The following MLLT10 variants were observed in gnomAD, a reference collection of about 807,000 sequenced individuals.
The protein encoded by MLLT10 is protein AF-10.
Under a neutral mutation model 129.1 loss-of-function variants are expected in MLLT10, and 30 were observed. The observed-to-expected ratio is 0.23, with a 90% CI of 0.17 to 0.32. MLLT10 has a LOEUF of 0.32. Ranked by LOEUF, MLLT10 falls within the 10% of genes least tolerant of loss-of-function variation. The pLI is 1.00. For missense variants in MLLT10, 1,119 were observed against 1,268.3 expected (o/e 0.88, Z 1.79); for synonymous variants, 490 against 446.4 (o/e 1.10, Z -1.23).
At chr10:21,739,477 G>C (rs1445953785) in intron 21 of MLLT10, among the ~76,000 whole-genome samples, 1 of 152,172 alleles carries the variant, frequency 6.6e-6, no homozygotes, top group Admixed American at 6.5e-5. Context: ...ATACACAGTT[G>C]TGTTTCCCTT....
intron 5 of MLLT10, among the ~76,000 whole-genome samples, chr10:21,604,110 T>C (rs2043826622): frequency 6.6e-6 from 1 of 152,208 alleles, no homozygotes; most frequent in South Asian, 2.1e-4. Context: ...CCAAAATTTA[T>C]GTTCTTTCCA....
intron 3 of MLLT10, among the ~76,000 whole-genome samples, chr10:21,576,223 C>T (rs1438046160): frequency 6.6e-6 from 1 of 151,590 alleles, no homozygotes; most frequent in Non-Finnish European, 1.5e-5. Flanking sequence ...AGCCACCGCA[C>T]ACCCAGCCTA....
intron 3 of MLLT10, 77 bp downstream of exon 3, chr10:21,538,989 T>C: frequency 1.0e-6 from 1 of 1,004,654 alleles, no homozygotes; most frequent in Non-Finnish European, 1.5e-6. Flanking sequence ...TGTTGTGGTT[T>C]GTGGGGTTGT....
chr10:21,579,260 G>A (rs1217473342), intron 3 of MLLT10, among the ~76,000 whole-genome samples: 1 of 152,108 alleles, frequency 6.6e-6, no homozygotes, highest in Non-Finnish European at 1.5e-5. Flanking sequence ...TCTGTGTAAT[G>A]TGACATTTTC....
rs761048893 is a variant in MLLT10, at chr10:21,727,859, A to C, written c.1994A>C (p.Gln665Pro). 15 of 1,613,682 alleles carry C rather than the reference A, an allele frequency of 9.3e-6. No individual in the cohort carries two copies. Among genetic ancestry groups the C allele is most frequent in the Non-Finnish European group, 1.1e-5 (13 of 1,179,650 alleles). ...IAQSENNQTD[Q>P]DLGDNSRNLV... is the part of the protein sequence containing the mutation. ...CTCTGAAATATTTACACTACAGATC[A>C]AGATCTTGGAGACAATAGCCGCAAC... Residue 665 changes from glutamine to proline, a missense_variant, in exon 16 of 23, where the codon CAA becomes CCA. Around this residue, in one of 5 missense-constraint regions of MLLT10, gnomAD observed 1,004 missense variants for 1,008.7 expected, o/e 1.00. Transcript: ENST00000307729.
intron 10 of MLLT10, among the ~76,000 whole-genome samples, chr10:21,672,168 AGTGTGTGTGTGTGTGTGTGTGTGT>A (rs55769872): frequency 1.5e-5 from 2 of 134,296 alleles, no homozygotes; most frequent in East Asian, 4.4e-4. Flanking sequence ...CCAGGTTTTC[AGTGTGTGTGTGTGTGTGTGTGTGT>A]GTGTGTGTGT....
intron 14 of MLLT10, 106 bp downstream of exon 14, chr10:21,714,056 T>TC: frequency 3.4e-6 from 3 of 891,946 alleles, no homozygotes; most frequent in Non-Finnish European, 1.6e-6. Flanking sequence ...TATAGGAATT[T>TC]ATGAAATACC....
intron 13 of MLLT10, among the ~76,000 whole-genome samples, chr10:21,690,687 G>A (rs2053766063): frequency 6.6e-6 from 1 of 151,938 alleles, no homozygotes; most frequent in Non-Finnish European, 1.5e-5. Flanking sequence ...GTTTGTGCCT[G>A]CCTGTCTGTC....
At chr10:21,737,563 C>T (rs2058475760) in intron 21 of MLLT10, among the ~76,000 whole-genome samples, 1 of 152,114 alleles carries the variant, frequency 6.6e-6, no homozygotes, top group Non-Finnish European at 1.5e-5. Flanking sequence ...ATCCCACTTT[C>T]AGTGCTTCTG....
At chr10:21,677,342 C>T (rs1054160985) in intron 11 of MLLT10, among the ~76,000 whole-genome samples, 3 of 152,046 alleles carry the variant, frequency 2.0e-5, no homozygotes, top group Admixed American at 6.6e-5. Context: ...AGAAGCTTCC[C>T]CCCATATAAT....
chr10:21,743,042 C>G lies in MLLT10; in HGVS notation c.*1059C>G, dbSNP rs1050501384. On this transcript the variant is annotated 3_prime_UTR_variant, in exon 23 of 23. Transcript: ENST00000307729. Reference sequence around the variant, plus strand: ...CCATTACTGACCATTAAAAGCTCACCACTAGAGTTCCTGAAACAGGTGAAA... The same window carrying G: ...CCATTACTGACCATTAAAAGCTCACGACTAGAGTTCCTGAAACAGGTGAAA... 1.7e-5 allele frequency: 4 copies of G among 230,480 alleles called. No individual in the cohort carries two copies. The East Asian group carries it at 1.9e-4, about 11-fold the overall frequency. 14.3% of individuals were successfully genotyped at this position (230,480 alleles called of 1,614,324 possible).
At chr10:21,621,648 C>T (rs1013448339) in intron 8 of MLLT10, among the ~76,000 whole-genome samples, 4 of 149,872 alleles carry the variant, frequency 2.7e-5, no homozygotes, top group Non-Finnish European at 5.9e-5. Flanking sequence ...ACTGGCGCCA[C>T]GAGGGAGATG....
At chr10:21,692,414 C>G (rs891616546) in intron 13 of MLLT10, among the ~76,000 whole-genome samples, 4 of 152,020 alleles carry the variant, frequency 2.6e-5, no homozygotes, top group Admixed American at 6.6e-5. Flanking sequence ...ACGTGATCCT[C>G]CCGCCTCAGC....
intron 9 of MLLT10, among the ~76,000 whole-genome samples, chr10:21,655,945 A>C (rs1269088823): frequency 6.6e-6 from 1 of 152,168 alleles, no homozygotes; most frequent in Non-Finnish European, 1.5e-5. Flanking sequence ...GCAGGTGTGG[A>C]CATAATAGGG....
intron 3 of MLLT10, among the ~76,000 whole-genome samples, chr10:21,584,828 ATG>A (rs2041843962): frequency 6.6e-6 from 1 of 151,554 alleles, no homozygotes; most frequent in Non-Finnish European, 1.5e-5. Context: ...ATACATATGT[ATG>A]TATACATACA....
intron 10 of MLLT10, among the ~76,000 whole-genome samples, chr10:21,671,948 G>A (rs2051459296): frequency 6.6e-6 from 1 of 151,968 alleles, no homozygotes; most frequent in East Asian, 1.9e-4. Context: ...ACAAGACCCT[G>A]CCTCAAAAAA....
At chr10:21,607,420 A>G (rs1026035392) in intron 5 of MLLT10, among the ~76,000 whole-genome samples, 1 of 149,342 alleles carries the variant, frequency 6.7e-6, no homozygotes, top group Admixed American at 6.8e-5. Flanking sequence ...TCCTGGGTTC[A>G]AGCAATTCTC....
intron 5 of MLLT10, among the ~76,000 whole-genome samples, chr10:21,603,268 T>C (rs2043739249): frequency 6.7e-6 from 1 of 149,462 alleles, no homozygotes; most frequent in African/African-American, 2.5e-5. Flanking sequence ...GGTTTCACCA[T>C]GTTGGCCAGG....
intron 4 of MLLT10, among the ~76,000 whole-genome samples, chr10:21,586,850 G>T (rs1169040999): frequency 6.6e-6 from 1 of 151,578 alleles, no homozygotes; most frequent in Non-Finnish European, 1.5e-5. Flanking sequence ...TTATACCATT[G>T]CCCATTAGCC....
Sources: allele counts gnomAD v4.1 joint callset (sites outside exome capture counted in the v4.1 genomes callset), GRCh38; gene constraint gnomAD v4.1.1; regional missense constraint gnomAD v4.1.1; transcripts MANE v1.5; gene names NCBI Gene and HGNC (gene_info 2026-07-23, HGNC 2026-07-21).